Variants in NCK2 observed in about 807,000 individuals in gnomAD.
NCK2 encodes NCK adaptor protein 2.
NCK2 carries 16 observed loss-of-function variants against 33.9 expected under a neutral mutation model. That is an observed-to-expected ratio of 0.47 (90% CI 0.32 to 0.72). NCK2 has a LOEUF of 0.72. Ranked by LOEUF, NCK2 falls within the 30% of genes least tolerant of loss-of-function variation. The probability of loss-of-function intolerance (pLI) is 0.03; values close to 1 mark genes in which losing one functional copy is unlikely to be tolerated. For missense variants in NCK2, 418 were observed against 537.3 expected, an observed-to-expected ratio of 0.78 and a Z score of 2.19; for synonymous variants, 273 against 239.9, an observed-to-expected ratio of 1.14 and a Z score of -1.27.
chr2:105,830,670 GGT>G (rs56220635), intron 2 of NCK2, among the ~76,000 whole-genome samples: 5,965 of 98,930 alleles, frequency 0.06, 152 homozygotes, highest in South Asian at 0.11. Context: ...CCAGGAATTT[GGT>G]GTGTGTGTGT....
chr2:105,760,548 C>T (rs1033399085), intron 1 of NCK2, among the ~76,000 whole-genome samples: 3 of 152,190 alleles, frequency 2.0e-5, no homozygotes, highest in African/African-American at 7.2e-5. Flanking sequence ...CTCTAAGGCT[C>T]CCCGTGTAAC....
chr2:105,810,182 A>G (rs1675235881), intron 1 of NCK2, among the ~76,000 whole-genome samples: 2 of 152,204 alleles, frequency 1.3e-5, no homozygotes, highest in African/African-American at 4.8e-5. Context: ...AGTAAAACAT[A>G]TTATAAAAGT....
At chr2:105,782,248 C>T (rs1199734047) in intron 1 of NCK2, among the ~76,000 whole-genome samples, 1 of 152,214 alleles carries the variant, frequency 6.6e-6, no homozygotes, top group African/African-American at 2.4e-5. Context: ...CCCAGGGACT[C>T]AGGGTGGCCC....
intron 1 of NCK2, among the ~76,000 whole-genome samples, chr2:105,795,085 A>T (rs962619269): frequency 6.6e-6 from 1 of 152,218 alleles, no homozygotes; most frequent in Non-Finnish European, 1.5e-5. Flanking sequence ...TCATATATCC[A>T]GTTCCCCCAC....
intron 1 of NCK2, among the ~76,000 whole-genome samples, chr2:105,773,392 C>T (rs533356321): frequency 4.7e-4 from 71 of 152,194 alleles, no homozygotes; most frequent in African/African-American, 1.6e-3. Context: ...TCAGTCCATG[C>T]ACCTTTGCTC....
chr2:105,764,309 C>T (rs1426155243), intron 1 of NCK2, among the ~76,000 whole-genome samples: 1 of 152,240 alleles, frequency 6.6e-6, no homozygotes, highest in Non-Finnish European at 1.5e-5. Flanking sequence ...GGCAGACATC[C>T]CACATTCTTA....
intron 2 of NCK2, among the ~76,000 whole-genome samples, chr2:105,834,451 T>C (rs1395012398): frequency 6.6e-6 from 1 of 152,210 alleles, no homozygotes; most frequent in African/African-American, 2.4e-5. Flanking sequence ...ATATTTTGTC[T>C]GGTATAAGTA....
chr2:105,872,671 A>G (rs947915906), intron 3 of NCK2, among the ~76,000 whole-genome samples: 13 of 152,244 alleles, frequency 8.5e-5, no homozygotes, highest in African/African-American at 3.1e-4. Context: ...AAATGAAGAA[A>G]GAGGTACAGC....
intron 1 of NCK2, among the ~76,000 whole-genome samples, chr2:105,806,846 C>A (rs1489738192): frequency 1.3e-5 from 2 of 152,126 alleles, no homozygotes; most frequent in African/African-American, 2.4e-5. Context: ...TAAAAAAAAA[C>A]CCAACCAACC....
intron 1 of NCK2, among the ~76,000 whole-genome samples, chr2:105,759,614 A>G (rs1034916759): frequency 2.6e-5 from 4 of 152,214 alleles, no homozygotes; most frequent in African/African-American, 4.8e-5. Context: ...TTACGTTACT[A>G]TAGTACATTG....
At chr2:105,874,289 T>G (rs747377712) in intron 3 of NCK2, among the ~76,000 whole-genome samples, 16 of 152,240 alleles carry the variant, frequency 1.1e-4, no homozygotes, top group Non-Finnish European at 2.2e-4. Context: ...CACAAAAACT[T>G]GTAGAAGCTG....
intron 1 of NCK2, among the ~76,000 whole-genome samples, chr2:105,771,179 C>T (rs1039265643): frequency 6.6e-6 from 1 of 152,020 alleles, no homozygotes; most frequent in East Asian, 1.9e-4. Context: ...GCCTTGGCCT[C>T]CCAAAGTGCT....
At chr2:105,871,901 C>T (rs1178538994) in intron 3 of NCK2, among the ~76,000 whole-genome samples, 2 of 152,154 alleles carry the variant, frequency 1.3e-5, no homozygotes, top group Non-Finnish European at 2.9e-5. Context: ...TACATGACAC[C>T]TGACAACAAC....
intron 1 of NCK2, among the ~76,000 whole-genome samples, chr2:105,771,828 GA>G (rs781758992): frequency 1.3e-5 from 2 of 152,154 alleles, no homozygotes; most frequent in Non-Finnish European, 2.9e-5. Context: ...CCTCTGGTGT[GA>G]AAGCTGCCAT....
chr2:105,813,619 A>AG (rs1335255144), intron 1 of NCK2, among the ~76,000 whole-genome samples: 1 of 152,186 alleles, frequency 6.6e-6, no homozygotes, highest in African/African-American at 2.4e-5. Context: ...GACTGCTTGC[A>AG]GGGGGGCATC....
chr2:105,862,449 C>G (rs1677577620), intron 3 of NCK2, among the ~76,000 whole-genome samples: 1 of 152,164 alleles, frequency 6.6e-6, no homozygotes, highest in Non-Finnish European at 1.5e-5. Context: ...AGCCTGAGAA[C>G]ACAGCAGTCA....
intron 2 of NCK2, among the ~76,000 whole-genome samples, chr2:105,837,782 C>G (rs1276900345): frequency 6.6e-6 from 1 of 152,158 alleles, no homozygotes; most frequent in Non-Finnish European, 1.5e-5. Flanking sequence ...TTCATTTTTA[C>G]CCATCTACTA....
intron 1 of NCK2, among the ~76,000 whole-genome samples, chr2:105,807,767 T>TCTCCCTCCCTCCCTTCTCTCC (rs1675119036): frequency 1.2e-4 from 1 of 8,304 alleles, no homozygotes; most frequent in Admixed American, 1.2e-3. Flanking sequence ...CCCTCCCTTC[T>TCTCCCTCCCTCCCTTCTCTCC]CTCCCTCCCT....
intron 2 of NCK2, among the ~76,000 whole-genome samples, chr2:105,818,346 G>A (rs1016363141): frequency 4.0e-5 from 6 of 150,628 alleles, no homozygotes; most frequent in African/African-American, 1.5e-4. Context: ...GTTAACGGGT[G>A]CAGCACACCA....
Sources: allele counts gnomAD v4.1 joint callset (sites outside exome capture counted in the v4.1 genomes callset), GRCh38; gene constraint gnomAD v4.1.1; transcripts MANE v1.5; gene names NCBI Gene and HGNC (gene_info 2026-07-23, HGNC 2026-07-21).